MGAT4C: variants seen among roughly 807,000 people sequenced by gnomAD.
The protein encoded by MGAT4C is alpha-1,3-mannosyl-glycoprotein 4-beta-N-acetylglucosaminyltransferase C.
A neutral mutation model predicts 40.1 loss-of-function variants in MGAT4C; 19 were observed. The ratio of observed to expected loss-of-function variants is 0.47; its 90% confidence interval spans 0.33 to 0.70. The LOEUF (loss-of-function observed/expected upper bound fraction) is 0.70, where lower values mean the gene tolerates loss of function less well. Ranked by LOEUF, MGAT4C falls within the 30% of genes least tolerant of loss-of-function variation. The pLI is 0.02. For missense variants in MGAT4C, 491 were observed against 563.2 expected, an observed-to-expected ratio of 0.87 and a Z score of 1.30; for synonymous variants, 181 against 187.1, an observed-to-expected ratio of 0.97 and a Z score of 0.27.
chr12:86,159,161 C>T (rs369883347), intron 1 of MGAT4C, among the ~76,000 whole-genome samples: 1 of 152,016 alleles, frequency 6.6e-6, no homozygotes, highest in Non-Finnish European at 1.5e-5. Flanking sequence ...ATGATGTAGT[C>T]CGTGGGTGTG....
intron 2 of MGAT4C, among the ~76,000 whole-genome samples, chr12:86,603,701 A>G (rs1172001592): frequency 7.6e-6 from 1 of 131,536 alleles, no homozygotes; most frequent in South Asian, 2.2e-4. Flanking sequence ...ACTATATATT[A>G]TCTATAGTCT....
chr12:86,016,472 C>G (rs377218721), intron 2 of MGAT4C: 1 of 152,142 alleles, frequency 6.6e-6, no homozygotes, highest in African/African-American at 2.4e-5. Context: ...GTGATACCAA[C>G]GTTATCATCC....
At chr12:86,581,437 T>A (rs1159435898) in intron 2 of MGAT4C, among the ~76,000 whole-genome samples, 2 of 151,426 alleles carry the variant, frequency 1.3e-5, no homozygotes, top group African/African-American at 4.8e-5. Flanking sequence ...CCATATTAAA[T>A]GCTTGCTGCT....
At chr12:86,649,094 G>A (rs1053663071) in intron 2 of MGAT4C, among the ~76,000 whole-genome samples, 1 of 151,696 alleles carries the variant, frequency 6.6e-6, no homozygotes, top group African/African-American at 2.4e-5. Flanking sequence ...AATAACAATA[G>A]GTGATTTTTT....
At chr12:86,664,144 TTTG>T (rs1964044502) in intron 2 of MGAT4C, among the ~76,000 whole-genome samples, 1 of 152,086 alleles carries the variant, frequency 6.6e-6, no homozygotes. Context: ...TTTTTTTTTT[TTTG>T]TACTTCAATG....
chr12:86,330,274 A>T (rs534243077), intron 4 of MGAT4C, among the ~76,000 whole-genome samples: 1 of 152,180 alleles, frequency 6.6e-6, no homozygotes, highest in African/African-American at 2.4e-5. Flanking sequence ...ATTAGTACGT[A>T]TCATTTTTAT....
chr12:86,748,956 T>C (rs1346515925), intron 1 of MGAT4C, among the ~76,000 whole-genome samples: 1 of 151,374 alleles, frequency 6.6e-6, no homozygotes, highest in Non-Finnish European at 1.5e-5. Flanking sequence ...CTTTTTTTTT[T>C]TTCAATTACA....
chr12:86,216,081 A>G (rs1403205892), intron 1 of MGAT4C, among the ~76,000 whole-genome samples: 1 of 152,198 alleles, frequency 6.6e-6, no homozygotes, highest in Non-Finnish European at 1.5e-5. Context: ...CCAGGAGACT[A>G]GGACTCCATT....
chr12:86,014,067 TG>T, intron 2 of MGAT4C, among the ~76,000 whole-genome samples: 1 of 152,180 alleles, frequency 6.6e-6, no homozygotes, highest in East Asian at 1.9e-4. Flanking sequence ...TTCTTATTTT[TG>T]GTAGGCTCAG....
At chr12:86,564,197 C>T (rs1959988427) in intron 2 of MGAT4C, among the ~76,000 whole-genome samples, 1 of 152,086 alleles carries the variant, frequency 6.6e-6, no homozygotes, top group Non-Finnish European at 1.5e-5. Context: ...TAAGCTTAAC[C>T]AGGTAGTAAC....
chr12:86,458,722 A>C (rs2136293447), intron 2 of MGAT4C, among the ~76,000 whole-genome samples: 1 of 152,334 alleles, frequency 6.6e-6, no homozygotes, highest in Non-Finnish European at 1.5e-5. Context: ...TTAAACGAGT[A>C]AATGATAATT....
chr12:86,783,057 T>C (rs925949964), intron 1 of MGAT4C, among the ~76,000 whole-genome samples: 5 of 152,200 alleles, frequency 3.3e-5, no homozygotes, highest in African/African-American at 1.2e-4. Flanking sequence ...CATTACACCC[T>C]GTAAAGACAT....
Position 86,570,424 on chromosome 12 carries a change from T to C in MGAT4C, c.-228-135159A>G, listed in dbSNP as rs573898860. ...TTTTGTCTAATAAGACTTGTTCAAA[T>C]GTACTATTTCAAATGTCCTAAGAAT... On this transcript the variant is annotated intron_variant, in intron 2 of 7. Coordinates refer to the MGAT4C transcript ENST00000548651. Among the ~76,000 whole-genome samples, 13 of 152,262 alleles carry C rather than the reference T, an allele frequency of 8.5e-5. No individual in the cohort carries two copies. The East Asian group carries it at 2.1e-3, about 25-fold the overall frequency.
chr12:86,336,450 C>T (rs555067465), intron 3 of MGAT4C, among the ~76,000 whole-genome samples: 90 of 152,146 alleles, frequency 5.9e-4, no homozygotes, highest in Non-Finnish European at 1.2e-3. Flanking sequence ...AGGCACTCTG[C>T]TAATTCAGTG....
At chr12:86,189,126 T>TAA (rs909290233) in intron 1 of MGAT4C, among the ~76,000 whole-genome samples, 18 of 152,068 alleles carry the variant, frequency 1.2e-4, no homozygotes, top group African/African-American at 4.3e-4. Flanking sequence ...TTTCTAGAAA[T>TAA]AGCGTTGATT....
intron 2 of MGAT4C, among the ~76,000 whole-genome samples, chr12:86,000,989 C>T (rs1231028821): frequency 6.6e-6 from 1 of 152,104 alleles, no homozygotes; most frequent in African/African-American, 2.4e-5. Flanking sequence ...GCGTTTGCAC[C>T]ATCAAGACAC....
At chr12:86,337,020 A>C (rs749917478) in intron 3 of MGAT4C, among the ~76,000 whole-genome samples, 8 of 152,120 alleles carry the variant, frequency 5.3e-5, no homozygotes, top group Non-Finnish European at 1.2e-4. Flanking sequence ...CAGCTTCTTC[A>C]TTTCATTCAT....
chr12:86,332,583 A>T (rs1954694186), intron 4 of MGAT4C, among the ~76,000 whole-genome samples: 1 of 152,142 alleles, frequency 6.6e-6, no homozygotes. Context: ...TGAAGTAATC[A>T]AGTAAAATTT....
intron 2 of MGAT4C, among the ~76,000 whole-genome samples, chr12:86,595,328 C>A (rs547684529): frequency 2.0e-5 from 3 of 151,952 alleles, no homozygotes; most frequent in Admixed American, 6.6e-5. Flanking sequence ...GTCAGGAGTT[C>A]GAGACCAGCC....
Sources: gnomAD v4.1 joint callset for allele counts (sites outside exome capture counted in the v4.1 genomes callset) on GRCh38, gnomAD v4.1.1 for gene constraint, MANE v1.5 for transcripts, NCBI Gene and HGNC (gene_info 2026-07-23, HGNC 2026-07-21) for gene names.